Variants in PNISR observed in about 807,000 individuals in gnomAD.
PNISR encodes the protein arginine/serine-rich protein PNISR.
A neutral mutation model predicts 93.4 loss-of-function variants in PNISR; 20 were observed. That is an observed-to-expected ratio of 0.21 (90% CI 0.15 to 0.31). PNISR has a LOEUF of 0.31. Among genes scored for constraint, PNISR ranks in the 10% least tolerant of loss-of-function variants. The pLI, the probability that PNISR is intolerant of heterozygous loss-of-function variation, is 1.00. For synonymous variants in PNISR, 305 were observed against 306.5 expected, an observed-to-expected ratio of 0.99 and a Z score of 0.05; for missense variants, 893 against 985.4, an observed-to-expected ratio of 0.91 and a Z score of 1.25.
intron 1 of PNISR, among the ~76,000 whole-genome samples, chr6:99,422,157 C>T (rs929067063): frequency 5.9e-5 from 9 of 152,084 alleles, no homozygotes; most frequent in Non-Finnish European, 7.4e-5. Context: ...TGAGCCACCC[C>T]GTGTGGCCAA....
chr6:99,423,695 A>G (rs188977360), intron 1 of PNISR, among the ~76,000 whole-genome samples: 16 of 152,330 alleles, frequency 1.1e-4, no homozygotes, highest in Non-Finnish European at 1.5e-4. Context: ...GGCACCCTAC[A>G]ATATACCTGA....
At chr6:99,414,020 C>T (rs900374962) in intron 3 of PNISR, among the ~76,000 whole-genome samples, 4 of 152,164 alleles carry the variant, frequency 2.6e-5, no homozygotes, top group African/African-American at 7.2e-5. Context: ...TAGAATGATA[C>T]ATGGCTATTA....
chr6:99,404,583 C>A lies in PNISR; in HGVS notation c.1102+20G>T, dbSNP rs780443850. 12 of 1,429,024 alleles carry A rather than the reference C, an allele frequency of 8.4e-6. No homozygotes were observed. The highest frequency in any genetic ancestry group is 1.7e-5 in the Admixed American group (1 of 59,808). The allele number at this position is 1,429,024 out of a possible 1,614,324, so 88.5% of individuals were successfully genotyped here. ...CCAAAATACCCCAGGAAAAGCAAAA[C>A]CAGAAACACCAAAATATACCTTTCG... On this transcript the variant is annotated intron_variant, in intron 9 of 11. Coordinates refer to ENST00000369239, the MANE Select transcript of PNISR (RefSeq NM_032870.4).
Position 99,414,556 on chromosome 6 carries a change from C to T in PNISR, c.88+16G>A. On this transcript the variant is annotated intron_variant, in intron 3 of 11. Transcript: ENST00000369239. ...ATATCCAACCCCGCCCTTTCAAATT[C>T]AATTTGTTTCCTTACTTGGATCCTG... 1.4e-6 allele frequency: 2 copies of T among 1,401,070 alleles called. No homozygotes were observed. The highest frequency in any genetic ancestry group is 2.0e-6 in the Non-Finnish European group (2 of 987,964). The allele number at this position is 1,401,070 out of a possible 1,614,324, so 86.8% of individuals were successfully genotyped here.
Position 99,400,701 on chromosome 6 carries a change from C to T in PNISR, c.2257G>A (p.Gly753Ser), listed in dbSNP as rs539312840. The T allele has an allele frequency of 1.2e-6, 2 of 1,613,254 alleles. No individual in the cohort carries two copies. The highest frequency in any genetic ancestry group is 1.6e-4 in the Middle Eastern group (1 of 6,062). The stretch of plus-strand genomic sequence containing the variant: ...CTGCTCCTTCCACTAGAATCAGAGC[C>T]TGAATGTTTTTTACTATCTTTGGTA... ...STTKDSKKHS[G>S]SDSSGRSSSE... The change falls in exon 12 of 12, where the codon GGC (glycine) becomes AGC (serine). Residue 753 changes from glycine to serine, a missense_variant. Physicochemically the swap from Gly to Ser is moderately conservative, Grantham distance 56 (BLOSUM62 0). Transcript: ENST00000369239.
chr6:99,416,908 TGAAA>T (rs1045816841), intron 1 of PNISR, among the ~76,000 whole-genome samples: 3 of 152,202 alleles, frequency 2.0e-5, no homozygotes, highest in Non-Finnish European at 2.9e-5. Context: ...TTTTTACAGT[TGAAA>T]GAAAGACAAA....
rs371480453 is a variant in PNISR at position 99,409,445 on chromosome 6, A to G, written c.502-101T>C. 8.3e-6 allele frequency: 8 copies of G among 964,834 alleles called. 1 individual carries two copies. The East Asian group carries it at 1.8e-4, about 22-fold the overall frequency. The allele number at this position is 964,834 out of a possible 1,614,324, so 59.8% of individuals were successfully genotyped here. On this transcript the variant is annotated intron_variant, in intron 5 of 11. Transcript: ENST00000369239. ...TGGGACAGTAGAAATCCATGTGTGC[A>G]GCACATCCAAGAATTCCATGGCTCT...
chr6:99,411,301 T>G (rs888120972), intron 4 of PNISR, among the ~76,000 whole-genome samples: 5 of 152,222 alleles, frequency 3.3e-5, no homozygotes, highest in Non-Finnish European at 5.9e-5. Flanking sequence ...AGGTTTTATA[T>G]AATTTCTTTC....
At chr6:99,410,115 A>G (rs750747868) in intron 5 of PNISR, 2 of 152,268 alleles carry the variant, frequency 1.3e-5, no homozygotes. Flanking sequence ...TAATAATTGC[A>G]ATCAGTTATT....
At chr6:99,421,419 A>T (rs537407466) in intron 1 of PNISR, among the ~76,000 whole-genome samples, 75 of 152,318 alleles carry the variant, frequency 4.9e-4, no homozygotes, top group African/African-American at 1.7e-3. Context: ...GTATGTCCTT[A>T]TTTGTAAATA....
chr6:99,399,835 T>C lies in PNISR; in HGVS notation c.*705A>G, dbSNP rs1231975922. ...ACAATTTACAAACTTTGACAAACTA[T>C]TAAGTAAAAACCATTTTCTTTGGGG... is the stretch of plus-strand genomic sequence containing the variant. On this transcript the variant is annotated 3_prime_UTR_variant, in exon 12 of 12. Coordinates refer to ENST00000369239, the MANE Select transcript of PNISR (RefSeq NM_032870.4). 1 of 152,192 alleles carries C rather than the reference T, an allele frequency of 6.6e-6. No individual in the cohort carries two copies. The highest frequency in any genetic ancestry group is 1.5e-5 in the Non-Finnish European group (1 of 68,002). The allele number at this position is 152,192 out of a possible 1,614,324, so 9.4% of individuals were successfully genotyped here. A position where few individuals can be genotyped will look rare whatever the true frequency, so the allele number is the denominator to read the frequency against.
At chr6:99,421,645 G>A (rs754121227) in intron 1 of PNISR, among the ~76,000 whole-genome samples, 4 of 152,120 alleles carry the variant, frequency 2.6e-5, no homozygotes, top group Non-Finnish European at 4.4e-5. Context: ...AGCCATTAGA[G>A]AGCATGCCCT....
intron 2 of PNISR, 36 bp from the exon 3 acceptor site, chr6:99,414,726 G>T: frequency 2.2e-6 from 2 of 907,922 alleles, no homozygotes; most frequent in Non-Finnish European, 1.7e-6. Flanking sequence ...AAATTATAGT[G>T]AGTTATTTAA....
At position 99,406,038 on chromosome 6, in the gene PNISR, T is replaced by A; in HGVS notation, c.995A>T (p.Tyr332Phe). The change falls in exon 8 of 12, where the codon TAT (tyrosine) becomes TTT (phenylalanine). Residue 332 changes from tyrosine to phenylalanine, a missense_variant. Around this residue, in one of 3 missense-constraint regions of PNISR, gnomAD observed 866 missense variants for 935.1 expected, o/e 0.93. Coordinates refer to ENST00000369239, the MANE Select transcript of PNISR (RefSeq NM_032870.4). ...DPEMTEEEKEYQMMLLTKMLL... is the reference protein window; with the variant it reads ...DPEMTEEEKEFQMMLLTKMLL... ...AGAACTTTAACATTCTACCATTTGA[T>A]ACTCTTTCTCCTCTTCAGTCATCTC... 3 of 1,604,304 alleles carry A rather than the reference T, an allele frequency of 1.9e-6. No individual in the cohort carries two copies. In the African/African-American group the frequency reaches 4.0e-5, roughly 22 times the overall value.
chr6:99,400,435 G>A lies in PNISR; in HGVS notation c.*105C>T. The A allele has an allele frequency of 7.0e-7, 1 of 1,434,656 alleles. No individual in the cohort carries two copies. The highest frequency in any genetic ancestry group is 9.2e-7 in the Non-Finnish European group (1 of 1,088,200). The allele number at this position is 1,434,656 out of a possible 1,614,324, so 88.9% of individuals were successfully genotyped here. ...ATTTAAGACTATGATTATTTATCAA[G>A]TACCAAACTGAGTTTATTAAAGAGA... On this transcript the variant is annotated 3_prime_UTR_variant, in exon 12 of 12. Coordinates refer to ENST00000369239, the MANE Select transcript of PNISR (RefSeq NM_032870.4).
Position 99,403,813 on chromosome 6 carries a change from T to G in PNISR, c.1156+16A>C, listed in dbSNP as rs760037971. The G allele has an allele frequency of 6.2e-7, 1 of 1,605,124 alleles. No homozygotes were observed. The highest frequency in any genetic ancestry group is 1.7e-5 in the Admixed American group (1 of 59,642). Reference sequence around the variant, plus strand: ...TTTTCCCTTTAGGCCCTCTCACAAATATGGAAAACACTTACCGAGTCCAGT... The same window carrying G: ...TTTTCCCTTTAGGCCCTCTCACAAAGATGGAAAACACTTACCGAGTCCAGT... On this transcript the variant is annotated intron_variant, in intron 10 of 11. Coordinates refer to ENST00000369239, the MANE Select transcript of PNISR (RefSeq NM_032870.4).
chr6:99,404,247 G>A, intron 9 of PNISR: 1 of 364,136 alleles, frequency 2.7e-6, no homozygotes, highest in East Asian at 6.2e-5. Flanking sequence ...AAAAATTGTA[G>A]GTAGATAATT....
intron 1 of PNISR, among the ~76,000 whole-genome samples, chr6:99,420,522 C>G (rs751425542): frequency 6.6e-6 from 1 of 152,206 alleles, no homozygotes; most frequent in Non-Finnish European, 1.5e-5. Flanking sequence ...AGGAACACTA[C>G]TCTTTCTTCC....
In PNISR at chr6:99,412,553, G is replaced by T; in HGVS notation, c.275C>A (p.Pro92Gln). 6.3e-7 allele frequency: 1 copy of T among 1,576,826 alleles called. No homozygotes were observed. Among genetic ancestry groups the T allele is most frequent in the Non-Finnish European group, 8.6e-7 (1 of 1,162,418 alleles). ...TTGTGAAAACATAAACAACAAACCT[G>T]GTTGCCACATTCTGTTGAAGTTTGA... The part of the protein sequence containing the change: ...GDSNFNRMWQ[P>Q]EWGMHQQPPH... Residue 92 changes from proline (P) to glutamine (Q), a missense_variant and splice_region_variant, in exon 4 of 12, where the codon CCA (proline) becomes CAA (glutamine). Physicochemically the swap from Pro to Gln is moderately conservative, Grantham distance 76 (BLOSUM62 -1). Coordinates refer to ENST00000369239, the MANE Select transcript of PNISR (RefSeq NM_032870.4).
Sources: gnomAD v4.1 joint callset for allele counts (sites outside exome capture counted in the v4.1 genomes callset) on GRCh38, gnomAD v4.1.1 for gene constraint, gnomAD v4.1.1 regional missense constraint, MANE v1.5 for transcripts, NCBI Gene and HGNC (gene_info 2026-07-23, HGNC 2026-07-21) for gene names.